Variants in ARVCF observed in about 807,000 individuals in gnomAD.
ARVCF encodes the protein ARVCF delta catenin family member.
A neutral mutation model predicts 90.9 loss-of-function variants in ARVCF; 66 were observed. The observed-to-expected ratio is 0.73, with a 90% CI of 0.60 to 0.89. The LOEUF (loss-of-function observed/expected upper bound fraction) is 0.89. Ranked by LOEUF, ARVCF falls within the 40% of genes least tolerant of loss-of-function variation. ARVCF has a pLI of 0.00. For missense variants in ARVCF, 1,469 were observed against 1,382.3 expected (o/e 1.06, Z -1.00); for synonymous variants, 653 against 603.4 (o/e 1.08, Z -1.21).
chr22:19,973,123 A>G lies in ARVCF; in HGVS notation c.2434T>C (p.Ser812Pro). Residue 812 changes from serine (S) to proline (P), a missense_variant, in exon 14 of 20, where the codon TCC (serine) becomes CCC (proline). Coordinates refer to ENST00000263207, the MANE Select transcript of ARVCF (RefSeq NM_001670.3). ...GVPALVALVA[S>P]SQSVREAKAA... ...ACCGACCCCGCCCCTCCACACCTGG[A>G]GGCCACGAGAGCCACCAACGCTGGC... The G allele has an allele frequency of 6.8e-7, 1 of 1,478,664 alleles. No homozygotes were observed. The highest frequency in any genetic ancestry group is 9.1e-7 in the Non-Finnish European group (1 of 1,104,842). The allele number at this position is 1,478,664 out of a possible 1,614,324, so 91.6% of individuals were successfully genotyped here.
In ARVCF at chr22:19,990,733, G is replaced by A; in HGVS notation, c.62C>T (p.Ala21Val). The A allele has an allele frequency of 1.3e-6, 2 of 1,592,876 alleles. No homozygotes were observed. Among genetic ancestry groups the A allele is most frequent in the Non-Finnish European group, 1.7e-6 (2 of 1,169,326 alleles). ...TGCCCGTGTCAGCCTCTCGAAGCGG[G>A]CCTCCTGCTCCTTCACCGAGGCCAG... ...SILASVKEQE[A>V]RFERLTRALE... The change falls in exon 3 of 20, where the codon GCC (alanine) becomes GTC (valine). Residue 21 changes from alanine to valine, a missense_variant. Ala to Val is a moderately conservative substitution (Grantham distance 64). Coordinates refer to ENST00000263207, the MANE Select transcript of ARVCF (RefSeq NM_001670.3).
At chr22:19,987,220 C>T in intron 3 of ARVCF, 2 of 262,754 alleles carry the variant, frequency 7.6e-6, no homozygotes, top group Non-Finnish European at 1.4e-5. Context: ...GCGGATCTGG[C>T]GGCGGTCACG....
At chr22:19,973,617 G>A (rs1419425853) in intron 13 of ARVCF, 26 bp downstream of exon 13, 2 of 1,590,922 alleles carry the variant, frequency 1.3e-6, no homozygotes, top group African/African-American at 1.3e-5. Context: ...TCGGTGCCCA[G>A]GCGTGGGCTT....
At chr22:19,980,846 C>G (rs1943451094) in intron 5 of ARVCF, 1 of 246,598 alleles carries the variant, frequency 4.1e-6, no homozygotes, top group Non-Finnish European at 7.8e-6. Context: ...AAAATCCTGA[C>G]CCGGGCTGTG....
chr22:19,986,334 G>A (rs757863717), intron 3 of ARVCF, among the ~76,000 whole-genome samples: 4 of 152,174 alleles, frequency 2.6e-5, no homozygotes, highest in Non-Finnish European at 4.4e-5. Context: ...CACCACAGAG[G>A]GTCTTGGCTG....
At chr22:19,976,910 G>A (rs1177433801) in intron 9 of ARVCF, among the ~76,000 whole-genome samples, 187 bp from the exon 10 acceptor site, 5 of 152,000 alleles carry the variant, frequency 3.3e-5, no homozygotes, top group Non-Finnish European at 7.4e-5. Flanking sequence ...GAAGAGGGAG[G>A]CCTGGGGTCA....
downstream of ARVCF, chr22:19,969,166 T>C (rs1942603659): frequency 1.1e-5 from 2 of 183,440 alleles, no homozygotes; most frequent in Non-Finnish European, 2.3e-5. Context: ...GTGGCACGCC[T>C]GGCCCACTGG....
At chr22:19,995,293 G>C (rs940823876) in intron 2 of ARVCF, among the ~76,000 whole-genome samples, 1 of 151,896 alleles carries the variant, frequency 6.6e-6, no homozygotes, top group African/African-American at 2.4e-5. Context: ...GATGATGGAA[G>C]AATGTGTAGG....
At chr22:20,009,157 G>A (rs1944738890) in intron 2 of ARVCF, among the ~76,000 whole-genome samples, 1 of 152,216 alleles carries the variant, frequency 6.6e-6, no homozygotes, top group Non-Finnish European at 1.5e-5. Context: ...TGTCACCTGT[G>A]CCACAAGCAA....
intron 3 of ARVCF, among the ~76,000 whole-genome samples, chr22:19,989,221 G>A (rs762648511): frequency 2.2e-4 from 33 of 152,036 alleles, no homozygotes; most frequent in Non-Finnish European, 4.6e-4. Context: ...CCCCAGCACC[G>A]AGACCCACCA....
chr22:19,966,436 T>TA (rs362115), downstream of ARVCF, among the ~76,000 whole-genome samples: 4,843 of 135,220 alleles, frequency 0.036, 283 homozygotes, highest in African/African-American at 0.13. Context: ...AGTTCCCCCT[T>TA]AAAAAAAAAA....
intron 2 of ARVCF, among the ~76,000 whole-genome samples, chr22:20,007,395 C>T: frequency 6.6e-6 from 1 of 152,224 alleles, no homozygotes; most frequent in East Asian, 1.9e-4. Context: ...GAGCGAGACT[C>T]CGTCTCAAAA....
At chr22:19,974,070 C>A (rs757741348) in intron 12 of ARVCF, 42 bp downstream of exon 12, 13 of 1,572,574 alleles carry the variant, frequency 8.3e-6, no homozygotes, top group Middle Eastern at 2.1e-4. Context: ...CTGGGATTCC[C>A]TCTCTCAGGA....
intron 17 of ARVCF, among the ~76,000 whole-genome samples, 190 bp downstream of exon 17, chr22:19,972,168 T>C (rs1942846633): frequency 6.6e-6 from 1 of 152,106 alleles, no homozygotes; most frequent in Non-Finnish European, 1.5e-5. Flanking sequence ...TCCCCTCCAC[T>C]TGTGGGTCAG....
At chr22:19,973,466 G>A (rs1942962851) in intron 13 of ARVCF, 149 bp from the exon 14 acceptor site, 2 of 1,328,712 alleles carry the variant, frequency 1.5e-6, no homozygotes, top group Non-Finnish European at 2.0e-6. Context: ...TGAGCAGGGC[G>A]CTGAGCTTCA....
chr22:20,007,639 AGTGGATTT>A (rs1814657915), intron 2 of ARVCF, among the ~76,000 whole-genome samples: 2 of 152,316 alleles, frequency 1.3e-5, no homozygotes, highest in South Asian at 4.1e-4. Flanking sequence ...TTACAGTGGG[AGTGGATTT>A]GTTATCTCGG....
chr22:19,996,777 C>T (rs927708169), intron 2 of ARVCF, among the ~76,000 whole-genome samples: 2 of 152,224 alleles, frequency 1.3e-5, no homozygotes, highest in Non-Finnish European at 2.9e-5. Flanking sequence ...AGGCCAGGGA[C>T]CAATCTCCCC....
At chr22:19,998,939 C>T (rs1944351044) in intron 2 of ARVCF, among the ~76,000 whole-genome samples, 1 of 152,206 alleles carries the variant, frequency 6.6e-6, no homozygotes. Flanking sequence ...TGTCACTGGC[C>T]TTGCTGCAGC....
At chr22:19,971,172 G>A in intron 19 of ARVCF, 44 bp downstream of exon 19, 1 of 1,551,150 alleles carries the variant, frequency 6.4e-7, no homozygotes, top group Non-Finnish European at 8.7e-7. Context: ...CCCTGGCCCA[G>A]AGGGCAGGAA....
Sources: gnomAD v4.1 joint callset for allele counts (sites outside exome capture counted in the v4.1 genomes callset) on GRCh38, gnomAD v4.1.1 for gene constraint, MANE v1.5 for transcripts, NCBI Gene and HGNC (gene_info 2026-07-23, HGNC 2026-07-21) for gene names.